Variants in HS6ST3 observed in about 807,000 individuals in gnomAD.
HS6ST3 encodes the protein heparan-sulfate 6-O-sulfotransferase 3.
In HS6ST3, 12 loss-of-function variants were observed where a neutral mutation model predicts 36.7. The ratio of observed to expected loss-of-function variants is 0.33; its 90% confidence interval spans 0.21 to 0.53. HS6ST3 has a LOEUF of 0.53. HS6ST3 is among the 20% of genes least tolerant of loss of function. The pLI is 0.95. For missense variants in HS6ST3, 584 were observed against 640.9 expected (o/e 0.91, Z 0.96); for synonymous variants, 240 against 257.5 (o/e 0.93, Z 0.65).
rs2053941971 is a variant in HS6ST3, at chr13:96,124,690, A to G, written c.707+33121A>G. On this transcript the variant is annotated intron_variant, in intron 1 of 1. Transcript: ENST00000376705. ...TAACCAGGTAAAGAATATTTTGCTG[A>G]TGTAAGGAGTCATCCACATTAAGAC... Among the ~76,000 whole-genome samples, 2 of 152,294 alleles carry G rather than the reference A, an allele frequency of 1.3e-5. 1 individual carries two copies. Among genetic ancestry groups the G allele is most frequent in the Admixed American group, 1.3e-4 (2 of 15,298 alleles).
chr13:96,560,659 T>C (rs1388457843), intron 1 of HS6ST3, among the ~76,000 whole-genome samples: 1 of 152,216 alleles, frequency 6.6e-6, no homozygotes, highest in African/African-American at 2.4e-5. Context: ...CTGGAACTGA[T>C]AAACAATTTC....
intron 1 of HS6ST3, among the ~76,000 whole-genome samples, chr13:96,656,955 T>TTGTGTGTG (rs754838881): frequency 7.4e-4 from 91 of 122,306 alleles, no homozygotes; most frequent in African/African-American, 2.7e-3. Flanking sequence ...GGCTTTTCTT[T>TTGTGTGTG]TGTGTGTGTG....
At position 96,211,547 on chromosome 13, in the gene HS6ST3, G is replaced by C. The variant is rs536448028; in HGVS notation, c.707+119978G>C. 7.2e-5 allele frequency among the ~76,000 whole-genome samples: 11 copies of C among 152,326 alleles called. No individual in the cohort carries two copies. The East Asian group carries it at 2.1e-3, about 29-fold the overall frequency. ...GCTCCAATTTTCAGAGCACAGAGCTGTGTATTATCTAAATGTCTTTTATAA... is the reference window on the plus strand; with the variant it reads ...GCTCCAATTTTCAGAGCACAGAGCTCTGTATTATCTAAATGTCTTTTATAA... On this transcript the variant is annotated intron_variant, in intron 1 of 1. Transcript: ENST00000376705.
intron 1 of HS6ST3, among the ~76,000 whole-genome samples, chr13:96,824,061 T>C (rs1566462590): frequency 1.3e-5 from 2 of 152,244 alleles, no homozygotes; most frequent in Non-Finnish European, 2.9e-5. Flanking sequence ...AGTTATCAGA[T>C]GCATATGTGA....
intron 1 of HS6ST3, among the ~76,000 whole-genome samples, chr13:96,227,020 T>C (rs2054483993): frequency 6.6e-6 from 1 of 152,192 alleles, no homozygotes; most frequent in African/African-American, 2.4e-5. Flanking sequence ...AAATCCATAG[T>C]TGTAAGGATT....
chr13:96,104,844 T>TG (rs1271049445), intron 1 of HS6ST3, among the ~76,000 whole-genome samples: 1 of 152,064 alleles, frequency 6.6e-6, no homozygotes, highest in African/African-American at 2.4e-5. Context: ...CGGTGTGGTG[T>TG]GGCCTGCTTC....
At chr13:96,389,203 C>T (rs2055383580) in intron 1 of HS6ST3, among the ~76,000 whole-genome samples, 4 of 151,966 alleles carry the variant, frequency 2.6e-5, no homozygotes, top group Admixed American at 1.3e-4. Flanking sequence ...GACATGATGA[C>T]TGTGGTTAAC....
chr13:96,325,351 G>T (rs960769036), intron 1 of HS6ST3, among the ~76,000 whole-genome samples: 1 of 151,932 alleles, frequency 6.6e-6, no homozygotes, highest in Non-Finnish European at 1.5e-5. Flanking sequence ...GAAATCAATG[G>T]CCTCATCTTA....
rs75516664 is a variant in HS6ST3, at chr13:96,284,069, G to A, written c.707+192500G>A. 5.8e-3 allele frequency among the ~76,000 whole-genome samples: 885 copies of A among 152,152 alleles called. 11 individuals carry two copies. Among genetic ancestry groups the A allele is most frequent in the African/African-American group, 0.021 (853 of 41,520 alleles). On this transcript the variant is annotated intron_variant, in intron 1 of 1. Transcript: ENST00000376705. ...ATCTTAACAGAAAGATGGAGATTCCGAAAAGAATTGTGGGACCAGCTTCCT... is the reference window on the plus strand; with the variant it reads ...ATCTTAACAGAAAGATGGAGATTCCAAAAAGAATTGTGGGACCAGCTTCCT...
intron 1 of HS6ST3, among the ~76,000 whole-genome samples, chr13:96,138,378 AAT>A (rs971786499): frequency 7.9e-4 from 118 of 149,930 alleles, no homozygotes; most frequent in African/African-American, 2.6e-3. Context: ...AACATATATA[AAT>A]ATATATGTTT....
At chr13:96,781,849 G>A (rs1373311447) in intron 1 of HS6ST3, among the ~76,000 whole-genome samples, 1 of 152,142 alleles carries the variant, frequency 6.6e-6, no homozygotes, top group African/African-American at 2.4e-5. Flanking sequence ...CTATTACAGA[G>A]GAATGACAAA....
rs551642603 is a variant in HS6ST3, at chr13:96,834,158, C to T, written c.*960C>T. ...AGTTATGTTCTTTAATCGGGTACTA[C>T]CAGTCTTGAAATTTTGCCACCACAG... On this transcript the variant is annotated 3_prime_UTR_variant, in exon 2 of 2. Transcript: ENST00000376705. 1 of 152,236 alleles carries T rather than the reference C, an allele frequency of 6.6e-6. No individual in the cohort carries two copies. Among genetic ancestry groups the T allele is most frequent in the Admixed American group, 6.5e-5 (1 of 15,282 alleles). The allele number at this position is 152,236 out of a possible 1,614,324, so 9.4% of individuals were successfully genotyped here. A position where few individuals can be genotyped will look rare whatever the true frequency, so the allele number is the denominator to read the frequency against.
At chr13:96,692,182 A>G (rs1182345117) in intron 1 of HS6ST3, among the ~76,000 whole-genome samples, 1 of 152,146 alleles carries the variant, frequency 6.6e-6, no homozygotes, top group Non-Finnish European at 1.5e-5. Flanking sequence ...CTTGGGGGCC[A>G]TGACATAGTA....
intron 1 of HS6ST3, among the ~76,000 whole-genome samples, chr13:96,717,626 A>G (rs1875734835): frequency 6.6e-6 from 1 of 152,240 alleles, no homozygotes; most frequent in Non-Finnish European, 1.5e-5. Context: ...GTCAGGTACC[A>G]TTCCTATTTA....
chr13:96,170,482 C>G (rs903162918), intron 1 of HS6ST3, among the ~76,000 whole-genome samples: 1 of 152,202 alleles, frequency 6.6e-6, no homozygotes, highest in Non-Finnish European at 1.5e-5. Context: ...TTCATGTGAT[C>G]CTGTTAGTGA....
chr13:96,109,666 G>A lies in HS6ST3; in HGVS notation c.707+18097G>A, dbSNP rs192846676. On this transcript the variant is annotated intron_variant, in intron 1 of 1. Transcript: ENST00000376705. ...TGGTGTTAGTGACTTTGAGGTATCA[G>A]GGAAGTCAAAGGGGATGAAGGAAAG... is the stretch of plus-strand genomic sequence containing the variant. Among the ~76,000 whole-genome samples, 17 of 152,302 alleles carry A rather than the reference G, an allele frequency of 1.1e-4. No homozygotes were observed. The East Asian group carries it at 2.9e-3, about 26-fold the overall frequency.
At chr13:96,748,553 G>A (rs1254483927) in intron 1 of HS6ST3, among the ~76,000 whole-genome samples, 1 of 152,094 alleles carries the variant, frequency 6.6e-6, no homozygotes, top group Non-Finnish European at 1.5e-5. Context: ...TCAGAACTGT[G>A]CTGGTTTGCA....
chr13:96,672,815 C>T (rs920653644), intron 1 of HS6ST3, among the ~76,000 whole-genome samples: 5 of 152,108 alleles, frequency 3.3e-5, no homozygotes, highest in Admixed American at 1.3e-4. Context: ...TGTAGAGGCA[C>T]TCTTTTATCT....
intron 1 of HS6ST3, among the ~76,000 whole-genome samples, chr13:96,400,965 A>G (rs553106968): frequency 8.7e-4 from 133 of 152,174 alleles, no homozygotes; most frequent in Non-Finnish European, 1.1e-3. Flanking sequence ...CAATCTAAAA[A>G]TCTTCATTTT....
Sources: gnomAD v4.1 joint callset for allele counts (sites outside exome capture counted in the v4.1 genomes callset) on GRCh38, gnomAD v4.1.1 for gene constraint, MANE v1.5 for transcripts, NCBI Gene and HGNC (gene_info 2026-07-23, HGNC 2026-07-21) for gene names.